ADGRB3: variants seen among roughly 807,000 people sequenced by gnomAD.
ADGRB3 encodes brain-specific angiogenesis inhibitor 3.
A neutral mutation model predicts 193.4 loss-of-function variants in ADGRB3; 37 were observed. The ratio of observed to expected loss-of-function variants is 0.19; its 90% CI spans 0.15 to 0.25. The LOEUF (loss-of-function observed/expected upper bound fraction) is 0.25. Ranked by LOEUF, ADGRB3 falls within the 10% of genes least tolerant of loss-of-function variation. The pLI, the probability that ADGRB3 is intolerant of heterozygous loss-of-function variation, is 1.00. For synonymous variants in ADGRB3, 690 were observed against 644.2 expected, an observed-to-expected ratio of 1.07 and a Z score of -1.08; for missense variants, 1,637 against 1,852.9, an observed-to-expected ratio of 0.88 and a Z score of 2.14.
intron 30 of ADGRB3, among the ~76,000 whole-genome samples, chr6:69,378,985 CT>C (rs1769891126): frequency 6.6e-6 from 1 of 151,930 alleles, no homozygotes; most frequent in African/African-American, 2.4e-5. Context: ...AGAAAGGGGT[CT>C]TTTGAAATAA....
intron 3 of ADGRB3, among the ~76,000 whole-genome samples, chr6:68,916,020 A>G (rs1351036359): frequency 6.6e-6 from 1 of 151,990 alleles, no homozygotes; most frequent in Non-Finnish European, 1.5e-5. Context: ...GGAAACAGAA[A>G]AATATGCAGA....
At chr6:68,847,850 C>T (rs143848910) in intron 3 of ADGRB3, among the ~76,000 whole-genome samples, 2 of 150,696 alleles carry the variant, frequency 1.3e-5, no homozygotes, top group African/African-American at 4.9e-5. Flanking sequence ...AAAGTAAGTT[C>T]AGAAGGAAGT....
intron 3 of ADGRB3, among the ~76,000 whole-genome samples, chr6:68,703,943 A>T (rs539131307): frequency 1.9e-4 from 29 of 152,216 alleles, no homozygotes; most frequent in African/African-American, 6.7e-4. Flanking sequence ...GTATATTGTC[A>T]TTGATAGATG....
At chr6:69,344,926 G>C (rs1261773173) in intron 26 of ADGRB3, among the ~76,000 whole-genome samples, 1 of 152,024 alleles carries the variant, frequency 6.6e-6, no homozygotes, top group Non-Finnish European at 1.5e-5. Flanking sequence ...CAGAGAGTTT[G>C]ATTCTTCTCT....
Position 69,135,089 on chromosome 6 carries a change from G to A in ADGRB3, c.2480+59051G>A, listed in dbSNP as rs1039426216. 5.9e-5 allele frequency among the ~76,000 whole-genome samples: 9 copies of A among 152,020 alleles called. No individual in the cohort carries two copies. In the East Asian group the frequency reaches 1.5e-3, roughly 26 times the overall value. On this transcript the variant is annotated intron_variant, in intron 17 of 31. Transcript: ENST00000370598. ...CATTTCATTTAAAAGGGACCCTGAT[G>A]TACTCTATAGAGACATGAAGAATTA...
At chr6:69,211,088 C>G (rs543829675) in intron 17 of ADGRB3, among the ~76,000 whole-genome samples, 37 of 152,282 alleles carry the variant, frequency 2.4e-4, no homozygotes, top group African/African-American at 8.4e-4. Flanking sequence ...CGCCACTGCA[C>G]TCCAGCCTGG....
intron 20 of ADGRB3, among the ~76,000 whole-genome samples, chr6:69,289,757 C>T (rs1391024549): frequency 6.6e-6 from 1 of 151,942 alleles, no homozygotes; most frequent in Non-Finnish European, 1.5e-5. Flanking sequence ...ATAGGCTGAG[C>T]CAGGGAAGCA....
At chr6:68,755,597 A>G (rs1238513852) in intron 3 of ADGRB3, among the ~76,000 whole-genome samples, 2 of 152,222 alleles carry the variant, frequency 1.3e-5, no homozygotes, top group African/African-American at 4.8e-5. Flanking sequence ...GAAGGTGAAC[A>G]ATAAAAATGA....
At chr6:69,350,298 C>CT (rs11420945) in intron 26 of ADGRB3, among the ~76,000 whole-genome samples, 125,903 of 146,764 alleles carry the variant, frequency 0.86, 54,150 homozygotes, top group East Asian at 1. Context: ...TCTCGCCATT[C>CT]TTTTTTTTTT....
At chr6:68,877,486 G>A (rs958642199) in intron 3 of ADGRB3, among the ~76,000 whole-genome samples, 2 of 151,870 alleles carry the variant, frequency 1.3e-5, no homozygotes, top group Non-Finnish European at 1.5e-5. Flanking sequence ...GCTACTTTAG[G>A]TTTATAAAAA....
intron 3 of ADGRB3, among the ~76,000 whole-genome samples, chr6:68,852,829 A>G (rs1388163880): frequency 6.6e-6 from 1 of 152,026 alleles, no homozygotes; most frequent in African/African-American, 2.4e-5. Flanking sequence ...TGCTGTCCTC[A>G]TCTCACATTA....
Position 69,190,898 on chromosome 6 carries a change from G to A in ADGRB3, c.2481-42392G>A, listed in dbSNP as rs990449633. ...CAGTAACATGTTGCACAAGTCTATA[G>A]CCTGAGGAATAAGCTGTACCATATA... On this transcript the variant is annotated intron_variant, in intron 17 of 31. Transcript: ENST00000370598. 1.4e-4 allele frequency among the ~76,000 whole-genome samples: 22 copies of A among 152,170 alleles called. No individual in the cohort carries two copies. The East Asian group carries it at 3.9e-3, about 27-fold the overall frequency.
chr6:68,985,500 G>A (rs1385464935), intron 10 of ADGRB3, among the ~76,000 whole-genome samples: 2 of 152,136 alleles, frequency 1.3e-5, no homozygotes, highest in South Asian at 2.1e-4. Flanking sequence ...GCATATGGGA[G>A]GATTGTACTT....
At chr6:69,278,624 A>G (rs1247138835) in intron 20 of ADGRB3, among the ~76,000 whole-genome samples, 1 of 152,194 alleles carries the variant, frequency 6.6e-6, no homozygotes, top group African/African-American at 2.4e-5. Flanking sequence ...TTAAGACATT[A>G]CAAGCATGTT....
chr6:68,846,184 GA>G (rs1328382362), intron 3 of ADGRB3, among the ~76,000 whole-genome samples: 1 of 152,158 alleles, frequency 6.6e-6, no homozygotes, highest in African/African-American at 2.4e-5. Context: ...GTATCCAGTG[GA>G]AGGAATTTCT....
intron 3 of ADGRB3, among the ~76,000 whole-genome samples, chr6:68,843,718 T>C (rs1289710435): frequency 6.6e-6 from 1 of 151,868 alleles, no homozygotes; most frequent in African/African-American, 2.4e-5. Flanking sequence ...TAGCCAAAGC[T>C]GTCCTGAGCA....
At chr6:68,870,310 C>T (rs188586366) in intron 3 of ADGRB3, among the ~76,000 whole-genome samples, 19 of 152,228 alleles carry the variant, frequency 1.2e-4, no homozygotes, top group East Asian at 9.7e-4. Context: ...GCTCAGGAGC[C>T]GCATTAAATC....
chr6:68,911,143 C>T (rs1766694489), intron 3 of ADGRB3, among the ~76,000 whole-genome samples: 1 of 151,772 alleles, frequency 6.6e-6, no homozygotes, highest in Non-Finnish European at 1.5e-5. Context: ...TGGAAACCAT[C>T]ATTCTCAGCA....
chr6:69,227,576 T>A (rs1222197914), intron 17 of ADGRB3, among the ~76,000 whole-genome samples: 1 of 152,162 alleles, frequency 6.6e-6, no homozygotes, highest in African/African-American at 2.4e-5. Flanking sequence ...CTGGGATAAT[T>A]TGTAGAACTG....
Sources: allele counts gnomAD v4.1 joint callset (sites outside exome capture counted in the v4.1 genomes callset), GRCh38; gene constraint gnomAD v4.1.1; transcripts MANE v1.5; gene names NCBI Gene and HGNC (gene_info 2026-07-23, HGNC 2026-07-21).